The following GLIS3 variants were observed in gnomAD, a reference collection of about 807,000 sequenced individuals.
GLIS3 encodes zinc finger protein GLIS3.
A neutral mutation model predicts 78.6 loss-of-function variants in GLIS3; 53 were observed. That is an observed-to-expected ratio of 0.67 (90% CI 0.54 to 0.85). GLIS3 has a LOEUF of 0.85. Among genes scored for constraint, GLIS3 ranks in the 40% least tolerant of loss-of-function variants. The pLI is 0.00. For synonymous variants in GLIS3, 684 were observed against 509.9 expected (o/e 1.34, Z -4.60); for missense variants, 1,703 against 1,231.1 (o/e 1.38, Z -5.74).
At chr9:3,955,433 G>A (rs1320595697) in intron 4 of GLIS3, among the ~76,000 whole-genome samples, 1 of 152,154 alleles carries the variant, frequency 6.6e-6, no homozygotes, top group Non-Finnish European at 1.5e-5. Context: ...CAGGATGGAG[G>A]TGTCATGGTG....
chr9:4,188,032 T>C (rs1251021847), intron 2 of GLIS3, among the ~76,000 whole-genome samples: 3 of 152,222 alleles, frequency 2.0e-5, no homozygotes, highest in Non-Finnish European at 2.9e-5. Flanking sequence ...TCCAACACTA[T>C]GTTGAATAGG....
At chr9:4,183,284 A>T (rs912655753) in intron 2 of GLIS3, among the ~76,000 whole-genome samples, 3 of 152,206 alleles carry the variant, frequency 2.0e-5, no homozygotes, top group Non-Finnish European at 2.9e-5. Flanking sequence ...CACTTCAGCC[A>T]TAAGAGTCCA....
chr9:4,381,563 G>T, the GLIS3 span, among the ~76,000 whole-genome samples: 2 of 152,178 alleles, frequency 1.3e-5, no homozygotes. Flanking sequence ...TATGAACACA[G>T]CACTCACGCA....
At chr9:4,183,124 G>C (rs1022623261) in intron 2 of GLIS3, among the ~76,000 whole-genome samples, 4 of 152,144 alleles carry the variant, frequency 2.6e-5, no homozygotes, top group East Asian at 1.9e-4. Context: ...GCTATCTTTG[G>C]GTTGTTAAGG....
At chr9:4,040,270 A>G (rs1032556906) in intron 4 of GLIS3, among the ~76,000 whole-genome samples, 1 of 151,094 alleles carries the variant, frequency 6.6e-6, no homozygotes, top group Non-Finnish European at 1.5e-5. Context: ...ATTACAAAAC[A>G]TTTTACTTCA....
At chr9:3,986,290 A>G (rs1016357889) in intron 4 of GLIS3, among the ~76,000 whole-genome samples, 1 of 152,174 alleles carries the variant, frequency 6.6e-6, no homozygotes, top group African/African-American at 2.4e-5. Flanking sequence ...ACCGAAAAAT[A>G]AAGGCACGGA....
chr9:4,115,250 T>A (rs1221588061), intron 4 of GLIS3, among the ~76,000 whole-genome samples: 1 of 152,126 alleles, frequency 6.6e-6, no homozygotes, highest in East Asian at 1.9e-4. Flanking sequence ...TAAACATATA[T>A]AAAACTAAAA....
chr9:3,843,325 G>A (rs1309810035), intron 9 of GLIS3, among the ~76,000 whole-genome samples: 3 of 152,010 alleles, frequency 2.0e-5, no homozygotes, highest in Admixed American at 6.6e-5. Flanking sequence ...TTTTCCCTCC[G>A]AACCTCTGCT....
chr9:4,378,304 C>G, the GLIS3 span, among the ~76,000 whole-genome samples: 1 of 152,202 alleles, frequency 6.6e-6, no homozygotes, highest in East Asian at 1.9e-4. Context: ...ACAATGAACA[C>G]TTTTTTAGTA....
the GLIS3 span, among the ~76,000 whole-genome samples, chr9:4,419,572 T>C: frequency 6.6e-6 from 1 of 152,096 alleles, no homozygotes; most frequent in Admixed American, 6.6e-5. Context: ...GGTGGATCAC[T>C]TGAGGTCAGG....
the GLIS3 span, among the ~76,000 whole-genome samples, chr9:4,452,966 G>A: frequency 6.6e-6 from 1 of 151,966 alleles, no homozygotes; most frequent in African/African-American, 2.4e-5. Flanking sequence ...AAAACAGAGA[G>A]ATAGACCAAT....
At chr9:3,913,716 C>A (rs556185658) in intron 6 of GLIS3, among the ~76,000 whole-genome samples, 1 of 152,288 alleles carries the variant, frequency 6.6e-6, no homozygotes, top group East Asian at 1.9e-4. Flanking sequence ...AGCAATTTCT[C>A]TTCATCTTGC....
chr9:4,011,537 C>T (rs1822011776), intron 4 of GLIS3, among the ~76,000 whole-genome samples: 1 of 152,176 alleles, frequency 6.6e-6, no homozygotes. Context: ...GATGTACGGG[C>T]AGCCCATTCA....
intron 4 of GLIS3, among the ~76,000 whole-genome samples, chr9:4,005,923 G>A (rs1450611548): frequency 6.6e-6 from 1 of 152,176 alleles, no homozygotes; most frequent in Non-Finnish European, 1.5e-5. Flanking sequence ...GTCATTTGCT[G>A]AATTACTACA....
intron 2 of GLIS3, among the ~76,000 whole-genome samples, chr9:4,257,051 T>C (rs933802847): frequency 3.9e-5 from 6 of 152,204 alleles, no homozygotes; most frequent in Non-Finnish European, 8.8e-5. Flanking sequence ...ATAGGTATTA[T>C]GTATTATGTG....
intron 7 of GLIS3, among the ~76,000 whole-genome samples, chr9:3,882,438 T>C (rs984474313): frequency 5.9e-5 from 9 of 152,154 alleles, no homozygotes; most frequent in African/African-American, 1.7e-4. Context: ...CAGAGGGACA[T>C]GGTGCAGTTG....
At chr9:4,378,575 C>A in the GLIS3 span, among the ~76,000 whole-genome samples, 49 of 152,248 alleles carry the variant, frequency 3.2e-4, no homozygotes, top group Admixed American at 1.3e-3. Context: ...AACCCTACAT[C>A]AATCCTACAA....
the GLIS3 span, among the ~76,000 whole-genome samples, chr9:4,417,798 A>G: frequency 6.6e-6 from 1 of 152,198 alleles, no homozygotes; most frequent in Non-Finnish European, 1.5e-5. Flanking sequence ...TGCCTATCTG[A>G]TAACAAGCCC....
Position 4,244,035 on chromosome 9 carries a change from T to C in GLIS3, c.388+42003A>G, listed in dbSNP as rs147513754. 2.7e-4 allele frequency among the ~76,000 whole-genome samples: 41 copies of C among 152,332 alleles called. 1 individual carries two copies. In the East Asian group the frequency reaches 7.9e-3, roughly 29 times the overall value. ...ACTCTCGCCTCAACCCCCATGCACA[T>C]ACGTGCATACAAACACTTAAAATTT... On this transcript the variant is annotated intron_variant, in intron 2 of 10. Coordinates refer to ENST00000381971, the MANE Select transcript of GLIS3 (RefSeq NM_001042413.2).
Sources: allele counts gnomAD v4.1 joint callset (sites outside exome capture counted in the v4.1 genomes callset), GRCh38; gene constraint gnomAD v4.1.1; transcripts MANE v1.5; gene names NCBI Gene and HGNC (gene_info 2026-07-23, HGNC 2026-07-21).